ARHGEF37: variants seen among roughly 807,000 people sequenced by gnomAD.
The protein encoded by ARHGEF37 is Rho guanine nucleotide exchange factor (GEF) 37.
In ARHGEF37, 55 loss-of-function variants were observed where a neutral mutation model predicts 71.1. The ratio of observed to expected loss-of-function variants is 0.77; its 90% CI spans 0.62 to 0.97. The LOEUF (loss-of-function observed/expected upper bound fraction) is 0.97, where lower values mean the gene tolerates loss of function less well. ARHGEF37 is among the 50% of genes least tolerant of loss of function. The pLI, the probability that ARHGEF37 is intolerant of heterozygous loss-of-function variation, is 0.00. For synonymous variants in ARHGEF37, 327 were observed against 350.6 expected (o/e 0.93, Z 0.75); for missense variants, 765 against 836.8 (o/e 0.91, Z 1.06).
At chr5:149,560,888 A>C (rs530341245) in intron 1 of ARHGEF37, among the ~76,000 whole-genome samples, 2 of 152,358 alleles carry the variant, frequency 1.3e-5, no homozygotes, top group African/African-American at 4.8e-5. Flanking sequence ...AAATTCTGAC[A>C]GGCAGATCTT....
intron 1 of ARHGEF37, among the ~76,000 whole-genome samples, chr5:149,562,738 G>A (rs1018553818): frequency 2.0e-5 from 3 of 152,248 alleles, no homozygotes. Flanking sequence ...GAGCCACCGC[G>A]CCCGGCCAAG....
chr5:149,599,064 G>GGGAGC (rs370777561), intron 2 of ARHGEF37, among the ~76,000 whole-genome samples: 47 of 152,220 alleles, frequency 3.1e-4, no homozygotes, highest in African/African-American at 1.0e-3. Flanking sequence ...GACAAACCAG[G>GGGAGC]GGAGCCCTCA....
intron 1 of ARHGEF37, among the ~76,000 whole-genome samples, chr5:149,568,058 T>G (rs1310233482): frequency 3.9e-5 from 6 of 152,210 alleles, no homozygotes; most frequent in Admixed American, 1.3e-4. Context: ...CACGTACTTT[T>G]TTTTTTCCTT....
intron 3 of ARHGEF37, among the ~76,000 whole-genome samples, chr5:149,601,946 AG>A (rs1763767136): frequency 6.6e-6 from 1 of 152,218 alleles, no homozygotes; most frequent in African/African-American, 2.4e-5. Context: ...GATCATGCAC[AG>A]CTTTATAGGT....
chr5:149,598,024 CTCA>C (rs2113304787), intron 2 of ARHGEF37, 69 bp downstream of exon 2: 1 of 1,485,766 alleles, frequency 6.7e-7, no homozygotes, highest in Non-Finnish European at 9.0e-7. Context: ...TCTGAGATTT[CTCA>C]TCCATTCCTG....
At position 149,624,072 on chromosome 5, in the gene ARHGEF37, C is replaced by T. The variant is rs369747296; in HGVS notation, c.1396C>T (p.Arg466Trp). The change falls in exon 10 of 13, where the codon CGG (arginine) becomes TGG (tryptophan). Residue 466 changes from arginine to tryptophan, a missense_variant. Physicochemically the swap from Arg to Trp is moderately radical, Grantham distance 101. This residue lies in a region of ARHGEF37 where 390 missense variants were observed against 407.4 expected (regional missense o/e 0.96). Coordinates refer to ENST00000333677, the MANE Select transcript of ARHGEF37 (RefSeq NM_001001669.3). Reference sequence around the variant, plus strand: ...GAAGCTGGTGGAGGACGCACTGGGCCGGACGAGTAACCAGCTTCGCTCCTT... The same window carrying T: ...GAAGCTGGTGGAGGACGCACTGGGCTGGACGAGTAACCAGCTTCGCTCCTT... ...FRKLVEDALG[R>W]TSNQLRSFQE... 2.2e-5 allele frequency: 36 copies of T among 1,611,872 alleles called. No homozygotes were observed. The highest frequency in any genetic ancestry group is 1.6e-4 in the South Asian group (15 of 90,986).
intron 2 of ARHGEF37, among the ~76,000 whole-genome samples, 174 bp from the exon 3 acceptor site, chr5:149,600,934 G>A (rs1763736506): frequency 6.6e-6 from 1 of 152,164 alleles, no homozygotes; most frequent in Admixed American, 6.5e-5. Context: ...ACTGCGCCTG[G>A]CCTGAAAATA....
chr5:149,592,832 C>T (rs569339091), intron 1 of ARHGEF37, among the ~76,000 whole-genome samples: 40 of 152,254 alleles, frequency 2.6e-4, no homozygotes, highest in South Asian at 1.9e-3. Flanking sequence ...TGCAGTGGCA[C>T]GATCTTGGCT....
At chr5:149,584,935 T>G (rs745411254) in intron 1 of ARHGEF37, among the ~76,000 whole-genome samples, 3 of 152,218 alleles carry the variant, frequency 2.0e-5, no homozygotes, top group African/African-American at 4.8e-5. Flanking sequence ...TTTATATGTT[T>G]CTATATTGTT....
chr5:149,572,915 G>A (rs1338973532), intron 1 of ARHGEF37, among the ~76,000 whole-genome samples: 2 of 152,086 alleles, frequency 1.3e-5, no homozygotes, highest in East Asian at 3.8e-4. Flanking sequence ...CCTAAGACTA[G>A]GTAATTTATT....
chr5:149,551,664 C>A (rs1184519186), upstream of ARHGEF37: 1 of 152,336 alleles, frequency 6.6e-6, no homozygotes, highest in African/African-American at 2.4e-5. Context: ...TTACCTGTTA[C>A]TCGCCTCGGA....
Position 149,627,272 on chromosome 5 carries a change from G to A in ARHGEF37, c.1660+1G>A, listed in dbSNP as rs750471469. Reference sequence around the variant, plus strand: ...GGCCGCTGGCTGGTGGACACCGGGGGTACGTGAGCCTTTGGGAGCCCTTCT... The same window carrying A: ...GGCCGCTGGCTGGTGGACACCGGGGATACGTGAGCCTTTGGGAGCCCTTCT... On this transcript the variant is annotated splice_donor_variant, in intron 11 of 12. Transcript: ENST00000333677. LOFTEE classifies it high-confidence loss of function. The A allele has an allele frequency of 5.6e-6, 9 of 1,612,880 alleles. No individual in the cohort carries two copies. Among genetic ancestry groups the A allele is most frequent in the Middle Eastern group, 3.3e-4 (2 of 6,030 alleles).
intron 1 of ARHGEF37, among the ~76,000 whole-genome samples, chr5:149,592,295 A>G (rs1468881968): frequency 2.0e-5 from 3 of 152,172 alleles, no homozygotes; most frequent in Non-Finnish European, 2.9e-5. Context: ...ATTCTTTTAT[A>G]CTCACACCTA....
intron 1 of ARHGEF37, among the ~76,000 whole-genome samples, chr5:149,563,386 ACT>A (rs1762860713): frequency 6.6e-6 from 1 of 151,776 alleles, no homozygotes; most frequent in East Asian, 1.9e-4. Flanking sequence ...TAGACTTAAG[ACT>A]CTTTCTACTT....
At chr5:149,575,281 G>A (rs147283331) in intron 1 of ARHGEF37, among the ~76,000 whole-genome samples, 6 of 152,226 alleles carry the variant, frequency 3.9e-5, no homozygotes, top group African/African-American at 9.6e-5. Context: ...TTACAGACTC[G>A]GTAGGAAAGG....
intron 9 of ARHGEF37, among the ~76,000 whole-genome samples, chr5:149,622,816 C>T (rs1028208941): frequency 9.9e-5 from 15 of 152,174 alleles, no homozygotes; most frequent in Non-Finnish European, 1.6e-4. Context: ...AAAGAACACC[C>T]AACTGCTTCC....
At chr5:149,585,039 CT>C (rs1486431964) in intron 1 of ARHGEF37, among the ~76,000 whole-genome samples, 1 of 152,220 alleles carries the variant, frequency 6.6e-6, no homozygotes, top group Non-Finnish European at 1.5e-5. Flanking sequence ...CAAATAACCA[CT>C]TGAAAAGATA....
At position 149,597,768 on chromosome 5, in the gene ARHGEF37, A is replaced by T. The variant is rs1156275907; in HGVS notation, c.-2A>T. ...CTTTTGCTTTTCCCAGAACCTGCTG[A>T]CATGGCCAAGCATGGAGCCGACGAG... On this transcript the variant is annotated 5_prime_UTR_variant, in exon 2 of 13. Transcript: ENST00000333677. The T allele has an allele frequency of 6.5e-7, 1 of 1,542,568 alleles. No individual in the cohort carries two copies. The highest frequency in any genetic ancestry group is 2.4e-5 in the East Asian group (1 of 41,398).
chr5:149,554,668 G>GA (rs756821913), intron 1 of ARHGEF37, among the ~76,000 whole-genome samples: 12 of 145,136 alleles, frequency 8.3e-5, no homozygotes, highest in Non-Finnish European at 1.5e-4. Context: ...TTTTTACATA[G>GA]AAAATGAAGT....
Sources: gnomAD v4.1 joint callset for allele counts (sites outside exome capture counted in the v4.1 genomes callset) on GRCh38, gnomAD v4.1.1 for gene constraint, gnomAD v4.1.1 regional missense constraint, MANE v1.5 for transcripts, NCBI Gene and HGNC (gene_info 2026-07-23, HGNC 2026-07-21) for gene names.